The following ACAN variants were observed in gnomAD, a reference collection of about 807,000 sequenced individuals.
ACAN encodes aggrecan core protein.
ACAN carries 47 observed loss-of-function variants against 169.1 expected under a neutral mutation model. That is an observed-to-expected ratio of 0.28 (90% confidence interval 0.22 to 0.35). The LOEUF is 0.35. ACAN is among the 10% of genes least tolerant of loss of function. The pLI is 1.00. For missense variants in ACAN, 2,716 were observed against 2,759.9 expected (o/e 0.98, Z 0.36); for synonymous variants, 1,115 against 1,112.2 (o/e 1.00, Z -0.05).
At position 88,851,781 on chromosome 15, in the gene ACAN, A is replaced by T; in HGVS notation, c.2027-13A>T. On this transcript the variant is annotated splice_polypyrimidine_tract_variant and intron_variant, in intron 10 of 18. Transcript: ENST00000560601. This position sits in a 1 kb window ranked among gnomAD's most constrained non-coding sequence, Gnocchi z 4.3. ...AGAGAGGGACTCACTCTGACCACCCACATCTCCTTTAGGCATTTCAGCGGT... is the reference window on the plus strand; with the variant it reads ...AGAGAGGGACTCACTCTGACCACCCTCATCTCCTTTAGGCATTTCAGCGGT... 1 of 1,567,370 alleles carries T rather than the reference A, an allele frequency of 6.4e-7. No homozygotes were observed.
chr15:88,848,165 TG>T (rs934717576), intron 9 of ACAN, 127 bp downstream of exon 9: 1 of 1,369,152 alleles, frequency 7.3e-7, no homozygotes, highest in Admixed American at 2.1e-5. Flanking sequence ...GCTTTCCAGG[TG>T]GGAAAGGGTC....
Position 88,871,583 on chromosome 15 carries a change from G to C in ACAN, c.7219+43G>C, listed in dbSNP as rs1288469888. On this transcript the variant is annotated intron_variant, in intron 15 of 18. Coordinates refer to ENST00000560601, the MANE Select transcript of ACAN (RefSeq NM_001369268.1). The surrounding 1 kb of genome is among the most constrained non-coding windows in gnomAD (Gnocchi z 7.8). ...TCTGGAGCCTGAGAGGAGAGTGGCGGTGTAGGCAAAGGGCCTCACCTTTCA... is the reference window on the plus strand; with the variant it reads ...TCTGGAGCCTGAGAGGAGAGTGGCGCTGTAGGCAAAGGGCCTCACCTTTCA... The C allele has an allele frequency of 6.4e-7, 1 of 1,572,912 alleles. No homozygotes were observed. Among genetic ancestry groups the C allele is most frequent in the Admixed American group, 1.8e-5 (1 of 55,570 alleles).
intron 1 of ACAN, 88 bp downstream of exon 1, chr15:88,803,897 G>C (rs1347888919): frequency 1.3e-5 from 2 of 152,288 alleles, no homozygotes; most frequent in East Asian, 1.9e-4. Flanking sequence ...CCCGGGGCTG[G>C]GGGCTGCACT....
In ACAN at chr15:88,869,990, A is replaced by G. The variant is rs1377143302; in HGVS notation, c.7061-1392A>G. Among the ~76,000 whole-genome samples, 1 of 152,038 alleles carries G rather than the reference A, an allele frequency of 6.6e-6. No homozygotes were observed. Among genetic ancestry groups the G allele is most frequent in the East Asian group, 1.9e-4 (1 of 5,170 alleles). ...TGAAGGGGCCAAAAACTGACCCCCT[A>G]AGTCAGCCCTAAGATGATATCTCTG... On this transcript the variant is annotated intron_variant, in intron 14 of 18. Coordinates refer to ENST00000560601, the MANE Select transcript of ACAN (RefSeq NM_001369268.1). This position sits in a 1 kb window ranked among gnomAD's most constrained non-coding sequence, Gnocchi z 4.2.
At position 88,814,417 on chromosome 15, in the gene ACAN, A is replaced by G. The variant is rs569653050; in HGVS notation, c.-8+10608A>G. ...TTCTCAGCTGCTTTTCTGCCTACTTATGCTCTTAAGATAGTCTTACCATCC... is the reference window on the plus strand; with the variant it reads ...TTCTCAGCTGCTTTTCTGCCTACTTGTGCTCTTAAGATAGTCTTACCATCC... On this transcript the variant is annotated intron_variant, in intron 1 of 18. Transcript: ENST00000560601. The surrounding 1 kb of genome is among the most constrained non-coding windows in gnomAD (Gnocchi z 4.0). 7.9e-5 allele frequency among the ~76,000 whole-genome samples: 12 copies of G among 152,198 alleles called. No individual in the cohort carries two copies. Among genetic ancestry groups the G allele is most frequent in the Middle Eastern group, 3.4e-3 (1 of 294 alleles).
chr15:88,854,974 G>C lies in ACAN; in HGVS notation c.2389G>C (p.Glu797Gln). 6.2e-7 allele frequency: 1 copy of C among 1,600,418 alleles called. No homozygotes were observed. The highest frequency in any genetic ancestry group is 8.5e-7 in the Non-Finnish European group (1 of 1,174,034). The change falls in exon 12 of 19, where the codon GAG becomes CAG. Residue 797 changes from glutamate to glutamine, a missense_variant. By Grantham distance (29) the Glu-to-Gln change is conservative. Around this residue, in one of 3 missense-constraint regions of ACAN, gnomAD observed 1,283 missense variants for 1,281.5 expected, o/e 1.00. Transcript: ENST00000560601. ...PSPSEVPFPS[E>Q]EPSPSEEPFP... is the part of the protein sequence containing the mutation. Reference sequence around the variant, plus strand: ...CCCCTCAGAGGTGCCATTCCCCTCAGAGGAGCCATCCCCCTCAGAGGAACC... The same window carrying C: ...CCCCTCAGAGGTGCCATTCCCCTCACAGGAGCCATCCCCCTCAGAGGAACC...
Position 88,857,245 on chromosome 15 carries a change from G to T in ACAN, c.4660G>T (p.Gly1554Cys). 1 of 1,613,888 alleles carries T rather than the reference G, an allele frequency of 6.2e-7. No homozygotes were observed. The highest frequency in any genetic ancestry group is 1.3e-5 in the African/African-American group (1 of 75,040). Residue 1554 changes from glycine (G) to cysteine (C), a missense_variant, in exon 12 of 19, where the codon GGT (glycine) becomes TGT (cysteine). By Grantham distance (159) the Gly-to-Cys change is radical. Transcript: ENST00000560601. ...CAGTGGACTTCCTTCTGGAGGAGAA[G>T]GTCTAGAGACCTCTGCTTCTGAAGT... is the stretch of plus-strand genomic sequence containing the variant. ...DLSGLPSGGE[G>C]LETSASEVGT...
chr15:88,851,879 A>G lies in ACAN; in HGVS notation c.2112A>G (p.Gln704=), dbSNP rs1265173614. 6.2e-7 allele frequency: 1 copy of G among 1,612,450 alleles called. No individual in the cohort carries two copies. Among genetic ancestry groups the G allele is most frequent in the African/African-American group, 1.3e-5 (1 of 74,848 alleles). ...GTGTGGAGGAGTGGATCGTGACCCA[A>G]GTGGTTCCTGGTGTGGCTGCTGTCC... is the stretch of plus-strand genomic sequence containing the variant. ...PSGVEEWIVT[Q]VVPGVAAVPV... is the part of the protein sequence containing the mutation. Residue 704 remains glutamine (Q), a synonymous_variant, in exon 11 of 19, where the codon CAA becomes CAG. Transcript: ENST00000560601. The surrounding 1 kb of genome is among the most constrained non-coding windows in gnomAD (Gnocchi z 4.3).
intron 1 of ACAN, among the ~76,000 whole-genome samples, chr15:88,806,030 G>A (rs898968826): frequency 6.6e-6 from 1 of 152,220 alleles, no homozygotes; most frequent in Non-Finnish European, 1.5e-5. Context: ...TGGACAGCCT[G>A]CATGCAAGGA....
chr15:88,872,262 T>G lies in ACAN; in HGVS notation c.7302+177T>G, dbSNP rs1331465837. Among the ~76,000 whole-genome samples the G allele has an allele frequency of 1.3e-5, 2 of 152,104 alleles. No homozygotes were observed. Among genetic ancestry groups the G allele is most frequent in the Non-Finnish European group, 2.9e-5 (2 of 68,022 alleles). On this transcript the variant is annotated intron_variant, in intron 16 of 18. Transcript: ENST00000560601. The surrounding 1 kb of genome is among the most constrained non-coding windows in gnomAD (Gnocchi z 5.4). ...CTGCCTCTGGAACCCAGCCCGGGGC[T>G]GGACAGATTGAGCTAATGATGGCAA...
At position 88,870,881 on chromosome 15, in the gene ACAN, G is replaced by C. The variant is rs939610606; in HGVS notation, c.7061-501G>C. Among the ~76,000 whole-genome samples, 1 of 152,096 alleles carries C rather than the reference G, an allele frequency of 6.6e-6. No homozygotes were observed. The highest frequency in any genetic ancestry group is 6.5e-5 in the Admixed American group (1 of 15,278). Reference sequence around the variant, plus strand: ...CAAGCAGACTTATTTCTGCTCCTCTGTTCCCACCTGAGGTTCTGCAGGAAG... The same window carrying C: ...CAAGCAGACTTATTTCTGCTCCTCTCTTCCCACCTGAGGTTCTGCAGGAAG... On this transcript the variant is annotated intron_variant, in intron 14 of 18. Coordinates refer to ENST00000560601, the MANE Select transcript of ACAN (RefSeq NM_001369268.1). This position sits in a 1 kb window ranked among gnomAD's most constrained non-coding sequence, Gnocchi z 6.3.
In ACAN at chr15:88,843,847, C is replaced by T. The variant is rs533902792; in HGVS notation, c.1051+199C>T. ...AAGGTAGAGACTCTTGAGACTGCAG[C>T]GTATCTAGCTCTGTCTCATCGGATC... On this transcript the variant is annotated intron_variant, in intron 6 of 18. Transcript: ENST00000560601. This position sits in a 1 kb window ranked among gnomAD's most constrained non-coding sequence, Gnocchi z 4.0. 2.0e-5 allele frequency among the ~76,000 whole-genome samples: 3 copies of T among 152,158 alleles called. No individual in the cohort carries two copies. The highest frequency in any genetic ancestry group is 4.4e-5 in the Non-Finnish European group (3 of 68,026).
In ACAN at chr15:88,859,389, G is replaced by C. The variant is rs1350656389; in HGVS notation, c.6804G>C (p.Trp2268Cys). ...TDASIPASPEWKRESESTAAA... is the reference protein window; with the variant it reads ...TDASIPASPECKRESESTAAA... ...CTTCCATCCCAGCTTCTCCGGAATG[G>C]AAACGTGAATCAGAATCAACTGCTG... Residue 2268 changes from tryptophan to cysteine, a missense_variant, in exon 12 of 19, where the codon TGG becomes TGC. Trp to Cys is a radical substitution (Grantham distance 215). This residue lies in a region of ACAN where 1,389 missense variants were observed against 1,363.7 expected (regional missense o/e 1.02). Coordinates refer to ENST00000560601, the MANE Select transcript of ACAN (RefSeq NM_001369268.1). 1 of 1,565,400 alleles carries C rather than the reference G, an allele frequency of 6.4e-7. No homozygotes were observed. Among genetic ancestry groups the C allele is most frequent in the Admixed American group, 1.9e-5 (1 of 52,052 alleles).
intron 12 of ACAN, 101 bp downstream of exon 12, chr15:88,859,518 A>T (rs1381185222): frequency 1.3e-6 from 2 of 1,490,456 alleles, no homozygotes; most frequent in Non-Finnish European, 1.8e-6. Flanking sequence ...TCCAAGAACA[A>T]CTCCACCAAA....
chr15:88,829,515 C>G (rs1896307449), intron 1 of ACAN, among the ~76,000 whole-genome samples: 1 of 152,164 alleles, frequency 6.6e-6, no homozygotes, highest in Non-Finnish European at 1.5e-5. Flanking sequence ...TTTCCCTATG[C>G]TGGGTTTGAA....
intron 13 of ACAN, among the ~76,000 whole-genome samples, chr15:88,867,310 A>C (rs1038435424): frequency 6.6e-6 from 1 of 152,202 alleles, no homozygotes; most frequent in African/African-American, 2.4e-5. Context: ...AGAACAGAAG[A>C]GAAGAGCCTA....
chr15:88,857,521 C>G lies in ACAN; in HGVS notation c.4936C>G (p.Leu1646Val). Residue 1646 changes from leucine (L) to valine (V), a missense_variant, in exon 12 of 19, where the codon CTG becomes GTG. Physicochemically the swap from Leu to Val is conservative, Grantham distance 32 (BLOSUM62 1). This residue lies in a region of ACAN where 1,389 missense variants were observed against 1,363.7 expected (regional missense o/e 1.02). Coordinates refer to ENST00000560601, the MANE Select transcript of ACAN (RefSeq NM_001369268.1). ...VDLGSGPPSG[L>V]PDFSGLPSGF... ...CCTTGGAAGTGGCCCACCCTCTGGC[C>G]TGCCTGACTTTAGTGGACTTCCATC... The G allele has an allele frequency of 6.2e-7, 1 of 1,613,962 alleles. No homozygotes were observed. Among genetic ancestry groups the G allele is most frequent in the South Asian group, 1.1e-5 (1 of 91,088 alleles).
intron 1 of ACAN, among the ~76,000 whole-genome samples, chr15:88,832,186 T>C (rs1346432039): frequency 1.3e-5 from 2 of 151,848 alleles, no homozygotes; most frequent in African/African-American, 2.4e-5. Context: ...TAAAGCATCA[T>C]GATCGTCAGT....
intron 1 of ACAN, among the ~76,000 whole-genome samples, chr15:88,833,803 C>G (rs532231303): frequency 6.6e-6 from 1 of 151,766 alleles, no homozygotes; most frequent in East Asian, 1.9e-4. Context: ...TCAAGCCGTC[C>G]AAGCCCCACA....
Sources: allele counts gnomAD v4.1 joint callset (sites outside exome capture counted in the v4.1 genomes callset), GRCh38; gene constraint gnomAD v4.1.1; regional missense constraint gnomAD v4.1.1; non-coding constraint Gnocchi (gnomAD v3.1); transcripts MANE v1.5; gene names NCBI Gene and HGNC (gene_info 2026-07-23, HGNC 2026-07-21).